SLC9A9: variants seen among roughly 807,000 people sequenced by gnomAD.
SLC9A9 encodes sodium/hydrogen exchanger 9.
In SLC9A9, 62 loss-of-function variants were observed where a neutral mutation model predicts 77.8. The ratio of observed to expected loss-of-function variants is 0.80; its 90% CI spans 0.65 to 0.98. The LOEUF (loss-of-function observed/expected upper bound fraction) is 0.98. SLC9A9 is among the 50% of genes least tolerant of loss of function. SLC9A9 has a pLI of 0.00. For missense variants in SLC9A9, 775 were observed against 774.9 expected (o/e 1.00, Z 0.00); for synonymous variants, 320 against 283.5 (o/e 1.13, Z -1.29).
At chr3:143,372,350 T>C (rs145423294) in intron 13 of SLC9A9, among the ~76,000 whole-genome samples, 184 of 152,220 alleles carry the variant, frequency 1.2e-3, no homozygotes, top group African/African-American at 3.8e-3. Flanking sequence ...AGCACGGTAC[T>C]GGTATAAAAG....
chr3:143,836,443 C>T (rs556342529), intron 1 of SLC9A9, among the ~76,000 whole-genome samples: 26 of 152,114 alleles, frequency 1.7e-4, no homozygotes, highest in African/African-American at 5.6e-4. Flanking sequence ...AAAGGTCCTC[C>T]GAGTTTATGT....
chr3:143,511,417 G>C (rs2036113637), intron 9 of SLC9A9, among the ~76,000 whole-genome samples: 1 of 152,202 alleles, frequency 6.6e-6, no homozygotes, highest in Non-Finnish European at 1.5e-5. Context: ...TGGGGAGGAA[G>C]GAGCCAGCAG....
chr3:143,292,238 CAT>C lies in SLC9A9; in HGVS notation c.1605-23260_1605-23259del, dbSNP rs1181354919. Among the ~76,000 whole-genome samples, 3 of 152,192 alleles carry C rather than the reference CAT, an allele frequency of 2.0e-5. No individual in the cohort carries two copies. In the East Asian group the frequency reaches 5.8e-4, roughly 29 times the overall value. Reference sequence around the variant, plus strand: ...CAAATAATGATAATGTGTGTAGCCTCATATTACTTCAGGTCAGGTTTGACCTC... The same window carrying C: ...CAAATAATGATAATGTGTGTAGCCTCATTACTTCAGGTCAGGTTTGACCTC... On this transcript the variant is annotated intron_variant, in intron 14 of 15. Coordinates refer to ENST00000316549, the MANE Select transcript of SLC9A9 (RefSeq NM_173653.4).
intron 11 of SLC9A9, among the ~76,000 whole-genome samples, chr3:143,471,023 A>T (rs1559930517): frequency 6.6e-6 from 1 of 152,224 alleles, no homozygotes; most frequent in South Asian, 2.1e-4. Flanking sequence ...AGGTTGAGAA[A>T]CATTGTTAAT....
At chr3:143,523,678 A>G (rs1420452105) in intron 9 of SLC9A9, among the ~76,000 whole-genome samples, 1 of 152,138 alleles carries the variant, frequency 6.6e-6, no homozygotes, top group Non-Finnish European at 1.5e-5. Flanking sequence ...TTTCTGGCAA[A>G]CATGAAAGGA....
At chr3:143,367,620 C>T (rs2032946744) in intron 13 of SLC9A9, among the ~76,000 whole-genome samples, 1 of 152,046 alleles carries the variant, frequency 6.6e-6, no homozygotes, top group Admixed American at 6.6e-5. Context: ...TTGAAATCAC[C>T]CTGGAACAGG....
intron 4 of SLC9A9, among the ~76,000 whole-genome samples, chr3:143,751,782 C>A (rs2006725268): frequency 6.6e-6 from 1 of 152,132 alleles, no homozygotes; most frequent in South Asian, 2.1e-4. Context: ...CATCAACAGG[C>A]AAATGCTGAA....
chr3:143,827,162 T>G (rs567087319), intron 2 of SLC9A9, among the ~76,000 whole-genome samples: 2 of 152,356 alleles, frequency 1.3e-5, no homozygotes, highest in African/African-American at 4.8e-5. Flanking sequence ...ATTTTGGTAT[T>G]CCTAAATATT....
intron 6 of SLC9A9, among the ~76,000 whole-genome samples, chr3:143,587,215 C>T (rs912292921): frequency 2.0e-5 from 3 of 152,196 alleles, no homozygotes; most frequent in African/African-American, 7.2e-5. Flanking sequence ...CTACTAAGTA[C>T]AGACATTGTT....
intron 4 of SLC9A9, among the ~76,000 whole-genome samples, chr3:143,744,915 C>T (rs79080449): frequency 0.016 from 2,365 of 152,246 alleles, 31 homozygotes; most frequent in Non-Finnish European, 0.026. Context: ...AGAGGACCTG[C>T]CTTGGATATG....
chr3:143,401,814 A>T (rs1444164369), intron 12 of SLC9A9, among the ~76,000 whole-genome samples: 1 of 152,200 alleles, frequency 6.6e-6, no homozygotes, highest in Non-Finnish European at 1.5e-5. Context: ...GAGGAATGAA[A>T]GTGCTCCTGA....
intron 14 of SLC9A9, among the ~76,000 whole-genome samples, chr3:143,293,843 T>C (rs1489653420): frequency 6.6e-6 from 1 of 152,244 alleles, no homozygotes; most frequent in East Asian, 1.9e-4. Context: ...TCCCATCTTT[T>C]AGCAAAAGTC....
intron 13 of SLC9A9, among the ~76,000 whole-genome samples, chr3:143,366,458 T>G (rs1442912669): frequency 6.6e-6 from 1 of 152,232 alleles, no homozygotes; most frequent in Non-Finnish European, 1.5e-5. Flanking sequence ...AAGTATCTAA[T>G]TCAGCCTTTA....
intron 4 of SLC9A9, among the ~76,000 whole-genome samples, chr3:143,741,032 AC>A (rs1167041924): frequency 2.0e-5 from 3 of 152,232 alleles, no homozygotes; most frequent in Non-Finnish European, 4.4e-5. Context: ...ATAGCTGCTT[AC>A]ATATAGAATG....
intron 4 of SLC9A9, among the ~76,000 whole-genome samples, chr3:143,728,096 A>G (rs1160645497): frequency 6.6e-6 from 1 of 152,158 alleles, no homozygotes; most frequent in Non-Finnish European, 1.5e-5. Flanking sequence ...TAAACTATTA[A>G]CAGATGATAA....
chr3:143,503,437 C>T (rs762148759), intron 9 of SLC9A9: 17 of 355,734 alleles, frequency 4.8e-5, no homozygotes, highest in African/African-American at 8.6e-5. Context: ...AGGAGACAAC[C>T]TGGTGCTCAC....
intron 9 of SLC9A9, among the ~76,000 whole-genome samples, chr3:143,544,995 T>G (rs56176071): frequency 0.045 from 6,914 of 152,214 alleles, 210 homozygotes; most frequent in Non-Finnish European, 0.071. Flanking sequence ...GCAGCTTTAT[T>G]TCCGGGTTCT....
intron 12 of SLC9A9, among the ~76,000 whole-genome samples, chr3:143,387,729 G>T (rs917550108): frequency 6.6e-6 from 1 of 151,182 alleles, no homozygotes; most frequent in African/African-American, 2.4e-5. Context: ...CCACTCTTTG[G>T]TGAGTTTTAT....
At chr3:143,666,511 A>G (rs1029879561) in intron 5 of SLC9A9, among the ~76,000 whole-genome samples, 2 of 152,218 alleles carry the variant, frequency 1.3e-5, no homozygotes, top group African/African-American at 4.8e-5. Flanking sequence ...AAAGAAATAA[A>G]GGGTATTCAA....
Sources: gnomAD v4.1 joint callset for allele counts (sites outside exome capture counted in the v4.1 genomes callset) on GRCh38, gnomAD v4.1.1 for gene constraint, MANE v1.5 for transcripts, NCBI Gene and HGNC (gene_info 2026-07-23, HGNC 2026-07-21) for gene names.